Variants in CACNA2D1 observed in about 807,000 individuals in gnomAD.
The protein encoded by CACNA2D1 is calcium voltage-gated channel auxiliary subunit alpha2delta 1.
CACNA2D1 carries 53 observed loss-of-function variants against 171.5 expected under a neutral mutation model. The ratio of observed to expected loss-of-function variants is 0.31; its 90% CI spans 0.25 to 0.39. The LOEUF is 0.39. Among genes scored for constraint, CACNA2D1 ranks in the 10% least tolerant of loss-of-function variants. The pLI is 1.00. For missense variants in CACNA2D1, 903 were observed against 1,299.8 expected, an observed-to-expected ratio of 0.69 and a Z score of 4.69; for synonymous variants, 442 against 443.1, an observed-to-expected ratio of 1.00 and a Z score of 0.03.
At position 82,060,434 on chromosome 7, in the gene CACNA2D1, T is replaced by G. The variant is rs1248592839; in HGVS notation, c.873A>C (p.Val291=). 8 of 1,600,518 alleles carry G rather than the reference T, an allele frequency of 5.0e-6. No individual in the cohort carries two copies. The highest frequency in any genetic ancestry group is 1.4e-5 in the African/African-American group (1 of 74,064). Residue 291 remains valine (V), a synonymous_variant, in exon 10 of 39, where the codon GTA becomes GTC. Transcript: ENST00000356860. ...ETLSDDDFVN[V]ASFNSNAQDV... The stretch of plus-strand genomic sequence containing the variant: ...GCAGTCATCTTATACTTACTGAAGC[T>G]ACATTCACGAAATCATCATCTGAGA...
intron 1 of CACNA2D1, among the ~76,000 whole-genome samples, chr7:82,438,782 C>T (rs1331060132): frequency 5.3e-5 from 8 of 152,138 alleles, no homozygotes; most frequent in Admixed American, 5.2e-4. Context: ...TATAATAGAA[C>T]AAAGTTTGTT....
intron 8 of CACNA2D1, 29 bp from the exon 9 acceptor site, chr7:82,064,383 T>C: frequency 6.5e-7 from 1 of 1,530,718 alleles, no homozygotes; most frequent in Non-Finnish European, 9.0e-7. Flanking sequence ...TAAATGCTTT[T>C]CTCTTCCAAA....
At chr7:82,302,682 G>T (rs923826109) in intron 3 of CACNA2D1, among the ~76,000 whole-genome samples, 2 of 152,124 alleles carry the variant, frequency 1.3e-5, no homozygotes, top group African/African-American at 2.4e-5. Flanking sequence ...TTCCCTAAGC[G>T]CTGGAAATAC....
intron 1 of CACNA2D1, 76 bp from the exon 2 acceptor site, chr7:82,349,725 C>A (rs937906126): frequency 9.0e-7 from 1 of 1,110,420 alleles, no homozygotes; most frequent in South Asian, 1.2e-5. Flanking sequence ...TTTATATCCA[C>A]GCTACAGATA....
intron 6 of CACNA2D1, among the ~76,000 whole-genome samples, chr7:82,106,102 C>T (rs1398316282): frequency 7.9e-5 from 12 of 152,032 alleles, no homozygotes; most frequent in East Asian, 1.9e-4. Context: ...GTCTGATCTT[C>T]GAATTTTGAG....
intron 3 of CACNA2D1, among the ~76,000 whole-genome samples, chr7:82,329,663 T>G (rs1291265223): frequency 1.3e-5 from 2 of 152,298 alleles, no homozygotes; most frequent in East Asian, 3.9e-4. Context: ...TTATATCTTT[T>G]TTGCTTCAAA....
chr7:82,378,401 A>AAAAT (rs1476042912), intron 1 of CACNA2D1, among the ~76,000 whole-genome samples: 1 of 152,198 alleles, frequency 6.6e-6, no homozygotes, highest in Non-Finnish European at 1.5e-5. Context: ...CCTATCTCTG[A>AAAAT]AAATAAATAA....
intron 4 of CACNA2D1, among the ~76,000 whole-genome samples, chr7:82,145,347 TTA>T (rs963532573): frequency 1.4e-5 from 2 of 144,668 alleles, no homozygotes; most frequent in East Asian, 3.9e-4. Flanking sequence ...AATATATAAT[TTA>T]TATATTATAT....
At chr7:82,182,354 A>T (rs1585027582) in intron 3 of CACNA2D1, among the ~76,000 whole-genome samples, 1 of 152,164 alleles carries the variant, frequency 6.6e-6, no homozygotes, top group Admixed American at 6.6e-5. Flanking sequence ...GCCCCATCTC[A>T]CTATCAGATT....
At chr7:82,222,908 T>G (rs11762305) in intron 3 of CACNA2D1, among the ~76,000 whole-genome samples, 7,429 of 148,876 alleles carry the variant, frequency 0.05, 225 homozygotes, top group Non-Finnish European at 0.061. Flanking sequence ...CTTTTTTTTT[T>G]TTTGTTTGTT....
chr7:81,957,189 A>G (rs1485840339), intron 38 of CACNA2D1, among the ~76,000 whole-genome samples: 1 of 152,136 alleles, frequency 6.6e-6, no homozygotes, highest in African/African-American at 2.4e-5. Context: ...ATAAAATACC[A>G]TGAAGCCTGT....
Position 81,978,389 on chromosome 7 carries a change from T to C in CACNA2D1, c.1956-3837A>G, listed in dbSNP as rs577132771. On this transcript the variant is annotated intron_variant, in intron 24 of 38. Transcript: ENST00000356860. The stretch of plus-strand genomic sequence containing the variant: ...AAGAAAATATAACACAAATGCCCCA[T>C]GGAATACTATGCAGCCATAATAAGT... Among the ~76,000 whole-genome samples the C allele has an allele frequency of 3.9e-5, 6 of 152,190 alleles. No individual in the cohort carries two copies. In the East Asian group the frequency reaches 9.7e-4, roughly 25 times the overall value.
intron 3 of CACNA2D1, among the ~76,000 whole-genome samples, chr7:82,216,891 CAAAAAAAA>C (rs56161307): frequency 7.7e-6 from 1 of 130,320 alleles, no homozygotes; most frequent in Admixed American, 7.8e-5. Context: ...AGCCTAAATC[CAAAAAAAA>C]AAAAAAAAAG....
At chr7:82,106,522 T>G (rs562763432) in intron 6 of CACNA2D1, among the ~76,000 whole-genome samples, 2 of 149,494 alleles carry the variant, frequency 1.3e-5, no homozygotes, top group African/African-American at 4.9e-5. Context: ...GGTTTCCTTT[T>G]AATTTTTTTT....
chr7:82,202,273 A>G (rs567021454), intron 3 of CACNA2D1, among the ~76,000 whole-genome samples: 7 of 152,056 alleles, frequency 4.6e-5, no homozygotes, highest in Non-Finnish European at 1.0e-4. Context: ...GAAATTCCCT[A>G]CGATTCCTCA....
chr7:82,072,240 T>C (rs1375089691), intron 7 of CACNA2D1, among the ~76,000 whole-genome samples: 1 of 152,102 alleles, frequency 6.6e-6, no homozygotes, highest in African/African-American at 2.4e-5. Flanking sequence ...ATGTTCATAA[T>C]ACAAAGAGAT....
At chr7:82,435,518 TCTTC>T (rs1008023470) in intron 1 of CACNA2D1, among the ~76,000 whole-genome samples, 1 of 152,150 alleles carries the variant, frequency 6.6e-6, no homozygotes, top group African/African-American at 2.4e-5. Context: ...CTCCAATTCT[TCTTC>T]CTTTCCTGAT....
intron 3 of CACNA2D1, among the ~76,000 whole-genome samples, chr7:82,323,274 A>G (rs1338265192): frequency 2.6e-5 from 4 of 152,190 alleles, no homozygotes; most frequent in African/African-American, 9.7e-5. Context: ...TAAAAAAAAA[A>G]AAGAGGTGAA....
chr7:82,084,768 C>T lies in CACNA2D1; in HGVS notation c.658+1G>A. ...CAATGATTGAATCACTAAGCACCTA[C>T]CTGGATAATATCGAGCTAGGCCAGT... is the stretch of plus-strand genomic sequence containing the variant. On this transcript the variant is annotated splice_donor_variant, in intron 7 of 38. Transcript: ENST00000356860. LOFTEE classifies it high-confidence loss of function. 6.2e-7 allele frequency: 1 copy of T among 1,613,968 alleles called. No individual in the cohort carries two copies. The highest frequency in any genetic ancestry group is 8.5e-7 in the Non-Finnish European group (1 of 1,179,860).
Sources: allele counts gnomAD v4.1 joint callset (sites outside exome capture counted in the v4.1 genomes callset), GRCh38; gene constraint gnomAD v4.1.1; transcripts MANE v1.5; gene names NCBI Gene and HGNC (gene_info 2026-07-23, HGNC 2026-07-21).